RBM45: variants seen among roughly 807,000 people sequenced by gnomAD.
The protein encoded by RBM45 is RNA-binding protein 45.
In RBM45, 39 loss-of-function variants were observed where a neutral mutation model predicts 58.5. The observed-to-expected ratio is 0.67, with a 90% confidence interval of 0.52 to 0.87. The LOEUF is 0.87. Among genes scored for constraint, RBM45 ranks in the 40% least tolerant of loss-of-function variants. The pLI is 0.00. For synonymous variants in RBM45, 193 were observed against 203.0 expected (o/e 0.95, Z 0.42); for missense variants, 481 against 581.6 (o/e 0.83, Z 1.78).
At chr2:178,136,259 G>A (rs760237697) in intron 3 of RBM45, among the ~76,000 whole-genome samples, 6 of 152,166 alleles carry the variant, frequency 3.9e-5, no homozygotes, top group Admixed American at 2.0e-4. Flanking sequence ...GCAGTGAGCC[G>A]AGATCACGCC....
chr2:178,134,031 C>T (rs1224897131), downstream of RBM45: 6 of 152,110 alleles, frequency 3.9e-5, no homozygotes. Flanking sequence ...AAATGCAGCT[C>T]CCACTATACT....
intron 4 of RBM45, 164 bp from the exon 5 acceptor site, chr2:178,121,016 T>C (rs1246150201): frequency 4.8e-6 from 2 of 419,244 alleles, no homozygotes; most frequent in Non-Finnish European, 8.4e-6. Context: ...GAGTTGTCTC[T>C]TCTTGTCATT....
Position 178,126,003 on chromosome 2 carries a change from G to C in RBM45, c.1252G>C (p.Glu418Gln). ...DIFCRFGNLI[E>Q]VYLVSGKNVG... is the part of the protein sequence containing the mutation. ...TTTCAGTCGTTTTGGTAACCTGATC[G>C]AAGTTTACCTTGTGTCAGGAAAAAA... Residue 418 changes from glutamate to glutamine, a missense_variant, in exon 9 of 10, where the codon GAA (glutamate) becomes CAA (glutamine). By Grantham distance (29) the Glu-to-Gln change is conservative. Transcript: ENST00000286070. 6.2e-7 allele frequency: 1 copy of C among 1,613,098 alleles called. No individual in the cohort carries two copies.
intron 3 of RBM45, among the ~76,000 whole-genome samples, chr2:178,119,491 C>G (rs2087820935): frequency 1.3e-5 from 2 of 152,200 alleles, no homozygotes; most frequent in Non-Finnish European, 2.9e-5. Flanking sequence ...TACATTGGAA[C>G]ATGGGAACCA....
downstream of RBM45, among the ~76,000 whole-genome samples, chr2:178,130,163 T>C (rs1028005101): frequency 1.3e-5 from 2 of 152,086 alleles, no homozygotes; most frequent in African/African-American, 4.8e-5. Flanking sequence ...TCCAAAAATA[T>C]GACATGTAAG....
At chr2:178,121,741 C>A (rs190777203) in intron 5 of RBM45, among the ~76,000 whole-genome samples, 116 of 152,256 alleles carry the variant, frequency 7.6e-4, no homozygotes, top group African/African-American at 2.5e-3. Flanking sequence ...ACGAAACTCA[C>A]AAAATTTCCT....
intron 7 of RBM45, 90 bp downstream of exon 7, chr2:178,124,002 A>T: frequency 6.7e-7 from 1 of 1,500,226 alleles, no homozygotes. Context: ...TTATCTGTGT[A>T]TGAAAATTTT....
In RBM45 at chr2:178,116,371, G is replaced by A. The variant is rs140383782; in HGVS notation, c.410G>A (p.Arg137Gln). 66 of 1,603,964 alleles carry A rather than the reference G, an allele frequency of 4.1e-5. No individual in the cohort carries two copies. Among genetic ancestry groups the A allele is most frequent in the African/African-American group, 8.1e-5 (6 of 73,946 alleles). ...IPKSYTEEDLREKFKVYGDIE... is the reference protein window; with the variant it reads ...IPKSYTEEDLQEKFKVYGDIE... ...AAGTCCTACACAGAAGAAGATCTGCGGGAAAAATTTAAGGTATTTATTCTA... is the reference window on the plus strand; with the variant it reads ...AAGTCCTACACAGAAGAAGATCTGCAGGAAAAATTTAAGGTATTTATTCTA... The change falls in exon 2 of 10, where the codon CGG (arginine) becomes CAG (glutamine). Residue 137 changes from arginine to glutamine, a missense_variant. Physicochemically the swap from Arg to Gln is conservative, Grantham distance 43. Transcript: ENST00000286070.
intron 2 of RBM45, among the ~76,000 whole-genome samples, chr2:178,116,639 G>T (rs568483656): frequency 6.6e-6 from 1 of 152,160 alleles, no homozygotes; most frequent in Non-Finnish European, 1.5e-5. Context: ...GTAGAGATTC[G>T]CAGAAATGAA....
chr2:178,135,300 C>T (rs553344177), intron 3 of RBM45, among the ~76,000 whole-genome samples: 7 of 151,990 alleles, frequency 4.6e-5, no homozygotes, highest in African/African-American at 1.7e-4. Flanking sequence ...CCAACAGTGG[C>T]AAAAAAAGAG....
chr2:178,125,813 G>C (rs2087921611), intron 8 of RBM45, 171 bp from the exon 9 acceptor site: 3 of 714,910 alleles, frequency 4.2e-6, no homozygotes, highest in East Asian at 2.7e-5. Context: ...AATGAGAAGA[G>C]AGATCTGAAT....
intron 6 of RBM45, 85 bp downstream of exon 6, chr2:178,123,736 G>T (rs1313408520): frequency 6.3e-7 from 1 of 1,589,370 alleles, no homozygotes; most frequent in African/African-American, 1.4e-5. Context: ...AGAAACAATT[G>T]ACCTCTCAGG....
chr2:178,124,376 C>A, intron 8 of RBM45, 86 bp downstream of exon 8: 1 of 792,184 alleles, frequency 1.3e-6, no homozygotes, highest in Non-Finnish European at 1.9e-6. Flanking sequence ...TCACCCAGTA[C>A]CTATCAAGTA....
chr2:178,129,012 G>A (rs746636862), intron 9 of RBM45, among the ~76,000 whole-genome samples: 1 of 152,124 alleles, frequency 6.6e-6, no homozygotes, highest in South Asian at 2.1e-4. Flanking sequence ...TATCTCTGAG[G>A]TATGGGCCTG....
chr2:178,128,252 G>C (rs536444152), intron 9 of RBM45, among the ~76,000 whole-genome samples: 1 of 151,664 alleles, frequency 6.6e-6, no homozygotes, highest in Non-Finnish European at 1.5e-5. Context: ...TGCCTTCCTC[G>C]GCCTCCCAAA....
chr2:178,127,628 G>A (rs2087950258), intron 9 of RBM45, among the ~76,000 whole-genome samples: 1 of 152,130 alleles, frequency 6.6e-6, no homozygotes, highest in Admixed American at 6.5e-5. Context: ...ACCATACATT[G>A]TTAGCAATTT....
At chr2:178,134,221 TGCAGAAGTG>T (rs914278795), downstream of RBM45, among the ~76,000 whole-genome samples, 4 of 152,168 alleles carry the variant, frequency 2.6e-5, no homozygotes, top group African/African-American at 9.7e-5. Context: ...ACCAAAATGC[TGCAGAAGTG>T]GCAGAAGGAA....
rs1319576996 is a variant in RBM45 at position 178,123,530 on chromosome 2, G to C, written c.862G>C (p.Val288Leu). Residue 288 changes from valine (V) to leucine (L), a missense_variant, in exon 6 of 10, where the codon GTG becomes CTG. Val to Leu is a conservative substitution (Grantham distance 32). Coordinates refer to ENST00000286070, the MANE Select transcript of RBM45 (RefSeq NM_152945.4). ...TATGTTCTCTATTTTAGGTCATGGAGTGGTTCAGTATTTTAATGTAGCATC... is the reference window on the plus strand; with the variant it reads ...TATGTTCTCTATTTTAGGTCATGGACTGGTTCAGTATTTTAATGTAGCATC... ...RDPYSNYGHG[V>L]VQYFNVASAI... 6.3e-7 allele frequency: 1 copy of C among 1,588,368 alleles called. No individual in the cohort carries two copies. Among genetic ancestry groups the C allele is most frequent in the African/African-American group, 1.4e-5 (1 of 73,836 alleles).
chr2:178,124,801 G>A (rs2153905590), intron 8 of RBM45, among the ~76,000 whole-genome samples: 1 of 152,276 alleles, frequency 6.6e-6, no homozygotes, highest in East Asian at 1.9e-4. Context: ...GTGACAGAGT[G>A]AGACCCTTTT....
Sources: gnomAD v4.1 joint callset for allele counts (sites outside exome capture counted in the v4.1 genomes callset) on GRCh38, gnomAD v4.1.1 for gene constraint, MANE v1.5 for transcripts, NCBI Gene and HGNC (gene_info 2026-07-23, HGNC 2026-07-21) for gene names.